FA2H: variants seen among roughly 807,000 people sequenced by gnomAD.
The protein encoded by FA2H is fatty acid 2-hydroxylase.
Under a neutral mutation model 44.9 loss-of-function variants are expected in FA2H, and 22 were observed. The observed-to-expected ratio is 0.49, with a 90% CI of 0.35 to 0.70. The LOEUF (loss-of-function observed/expected upper bound fraction) is 0.70. FA2H is among the 30% of genes least tolerant of loss of function. The probability of loss-of-function intolerance (pLI) is 0.01; values close to 1 mark genes in which losing one functional copy is unlikely to be tolerated. For missense variants in FA2H, 501 were observed against 504.9 expected, an observed-to-expected ratio of 0.99 and a Z score of 0.07; for synonymous variants, 243 against 213.2, an observed-to-expected ratio of 1.14 and a Z score of -1.22.
chr16:74,715,277 A>T (rs1164974467), intron 6 of FA2H, among the ~76,000 whole-genome samples: 1 of 152,030 alleles, frequency 6.6e-6, no homozygotes, highest in African/African-American at 2.4e-5. Context: ...TTAGTATAAG[A>T]GTTGCTAATT....
intron 4 of FA2H, 39 bp from the exon 5 acceptor site, chr16:74,719,199 A>T: frequency 6.3e-7 from 1 of 1,588,488 alleles, no homozygotes; most frequent in Middle Eastern, 1.8e-4. Flanking sequence ...GGACCGGTGC[A>T]TAGCAGCCTG....
At chr16:74,734,971 C>CGGGAGAGGA (rs1041493223) in intron 2 of FA2H, among the ~76,000 whole-genome samples, 1 of 152,234 alleles carries the variant, frequency 6.6e-6, no homozygotes, top group African/African-American at 2.4e-5. Flanking sequence ...GCCGGGGCTG[C>CGGGAGAGGA]GGGAGAGGAG....
Position 74,713,568 on chromosome 16 carries a change from G to A in FA2H, c.*622C>T, listed in dbSNP as rs1961623260. 1 of 152,480 alleles carries A rather than the reference G, an allele frequency of 6.6e-6. No homozygotes were observed. Among genetic ancestry groups the A allele is most frequent in the African/African-American group, 2.4e-5 (1 of 41,468 alleles). The allele number at this position is 152,480 out of a possible 1,614,324, so 9.4% of individuals were successfully genotyped here. The stretch of plus-strand genomic sequence containing the variant: ...GAAAAGCTGCCAGGTCCTAAAGCAA[G>A]CAGCTGGGACTCCTGCCAGCCACCC... On this transcript the variant is annotated 3_prime_UTR_variant, in exon 7 of 7. Coordinates refer to ENST00000219368, the MANE Select transcript of FA2H (RefSeq NM_024306.5).
chr16:74,774,154 T>C (rs772208115), intron 1 of FA2H, among the ~76,000 whole-genome samples: 7 of 151,264 alleles, frequency 4.6e-5, no homozygotes, highest in Non-Finnish European at 8.8e-5. Context: ...TATGGGGGGC[T>C]GGGGACAGAA....
At chr16:74,741,023 C>G (rs1031718075) in intron 1 of FA2H, among the ~76,000 whole-genome samples, 13 of 152,222 alleles carry the variant, frequency 8.5e-5, no homozygotes, top group African/African-American at 3.1e-4. Flanking sequence ...CCCAAGTGGG[C>G]TCAAGGTTAA....
At chr16:74,721,170 CTCTT>C (rs1227695300) in intron 4 of FA2H, among the ~76,000 whole-genome samples, 4 of 151,906 alleles carry the variant, frequency 2.6e-5, no homozygotes, top group African/African-American at 4.8e-5. Flanking sequence ...CATTCTCTCT[CTCTT>C]TTTTTTTTGT....
At chr16:74,758,117 CTTTTTTTTTT>C (rs71378706) in intron 1 of FA2H, among the ~76,000 whole-genome samples, 2 of 113,564 alleles carry the variant, frequency 1.8e-5, no homozygotes, top group South Asian at 2.8e-4. Context: ...GGAAACAATT[CTTTTTTTTTT>C]TTTTTTTTTT....
intron 1 of FA2H, among the ~76,000 whole-genome samples, chr16:74,754,403 A>AAAAACAC (rs1184772763): frequency 2.0e-5 from 3 of 152,046 alleles, no homozygotes; most frequent in Non-Finnish European, 4.4e-5. Context: ...CTCAAGAACA[A>AAAAACAC]AAAACAAAAA....
At position 74,714,177 on chromosome 16, in the gene FA2H, G is replaced by C. The variant is rs373844222; in HGVS notation, c.*13C>G. On this transcript the variant is annotated 3_prime_UTR_variant, in exon 7 of 7. Transcript: ENST00000219368. ...GGGCCGGGCTGAGGGCAGGACGGAG[G>C]GGGTGGGAGTTGTCACTGCGTCTTC... The C allele has an allele frequency of 3.2e-5, 49 of 1,536,746 alleles. No homozygotes were observed. The highest frequency in any genetic ancestry group is 7.3e-5 in the East Asian group (3 of 41,172).
chr16:74,733,381 G>C (rs1222973285), intron 2 of FA2H, among the ~76,000 whole-genome samples: 2 of 152,104 alleles, frequency 1.3e-5, no homozygotes, highest in Non-Finnish European at 2.9e-5. Context: ...GGATATTGAG[G>C]CCTGAGAGGT....
At chr16:74,757,003 T>G (rs1189526750) in intron 1 of FA2H, among the ~76,000 whole-genome samples, 1 of 151,422 alleles carries the variant, frequency 6.6e-6, no homozygotes, top group Non-Finnish European at 1.5e-5. Flanking sequence ...ATAAAACCGG[T>G]GTCTTTTACT....
chr16:74,741,832 GTGTGTATGTGT>G (rs1962314434), intron 1 of FA2H, among the ~76,000 whole-genome samples: 3 of 85,910 alleles, frequency 3.5e-5, no homozygotes, highest in Admixed American at 1.2e-4. Context: ...GTGTGTGTGT[GTGTGTATGTGT>G]GTGTATGTGT....
chr16:74,761,297 A>G (rs1962703405), intron 1 of FA2H, among the ~76,000 whole-genome samples: 1 of 152,226 alleles, frequency 6.6e-6, no homozygotes, highest in South Asian at 2.1e-4. Context: ...TACTAAAAAT[A>G]CAAAAATTAG....
chr16:74,749,439 G>A (rs1012924135), intron 1 of FA2H, among the ~76,000 whole-genome samples: 1 of 152,118 alleles, frequency 6.6e-6, no homozygotes, highest in African/African-American at 2.4e-5. Context: ...GGAGCAAGAG[G>A]AAAGGAGGAA....
rs138194767 is a variant in FA2H at position 74,768,974 on chromosome 16, C to T, written c.270+5512G>A. ...ATGGTCAGCTGGCATAGTCAGATAT[C>T]TGCCAACGGTAGGACCTCTCCAGGA... On this transcript the variant is annotated intron_variant, in intron 1 of 6. Transcript: ENST00000219368. 1.3e-3 allele frequency among the ~76,000 whole-genome samples: 201 copies of T among 152,222 alleles called. 4 individuals are homozygous for T. The highest frequency in any genetic ancestry group is 0.012 in the East Asian group (61 of 5,160).
chr16:74,748,261 C>A (rs1245083028), intron 1 of FA2H, among the ~76,000 whole-genome samples: 1 of 152,224 alleles, frequency 6.6e-6, no homozygotes, highest in East Asian at 1.9e-4. Flanking sequence ...AAACGCCGCC[C>A]TCTTTAGTGC....
intron 2 of FA2H, among the ~76,000 whole-genome samples, chr16:74,732,454 T>C (rs959965478): frequency 4.6e-5 from 7 of 151,926 alleles, no homozygotes; most frequent in Non-Finnish European, 1.0e-4. Flanking sequence ...CTTTTTTTTT[T>C]AAGATTGAGT....
chr16:74,714,055 T>A lies in FA2H; in HGVS notation c.*135A>T. ...CTGCCTCAGGGCCCCCTCAGCACCT[T>A]CCACTAGGCTGCAGGGCCGGACACA... is the stretch of plus-strand genomic sequence containing the variant. On this transcript the variant is annotated 3_prime_UTR_variant, in exon 7 of 7. Transcript: ENST00000219368. 1.5e-6 allele frequency: 1 copy of A among 647,338 alleles called. No individual in the cohort carries two copies. Among genetic ancestry groups the A allele is most frequent in the Non-Finnish European group, 2.8e-6 (1 of 358,334 alleles). 40.1% of individuals were successfully genotyped at this position (647,338 alleles called of 1,614,324 possible).
intron 1 of FA2H, among the ~76,000 whole-genome samples, chr16:74,758,783 T>A (rs1006546619): frequency 6.6e-6 from 1 of 152,064 alleles, no homozygotes; most frequent in African/African-American, 2.4e-5. Context: ...AAAAATAATT[T>A]AAAAAAATGC....
Sources: gnomAD v4.1 joint callset for allele counts (sites outside exome capture counted in the v4.1 genomes callset) on GRCh38, gnomAD v4.1.1 for gene constraint, MANE v1.5 for transcripts, NCBI Gene and HGNC (gene_info 2026-07-23, HGNC 2026-07-21) for gene names.